Variants in SPOCK1 observed in about 807,000 individuals in gnomAD.
SPOCK1 encodes the protein SPARC (osteonectin), cwcv and kazal like domains proteoglycan 1, also known as testican-1.
Under a neutral mutation model 55.3 loss-of-function variants are expected in SPOCK1, and 23 were observed. That is an observed-to-expected ratio of 0.42 (90% CI 0.30 to 0.59). SPOCK1 has a LOEUF of 0.59. Among genes scored for constraint, SPOCK1 ranks in the 20% least tolerant of loss-of-function variants. SPOCK1 has a pLI of 0.22. For synonymous variants in SPOCK1, 226 were observed against 221.0 expected (o/e 1.02, Z -0.20); for missense variants, 499 against 552.5 (o/e 0.90, Z 0.97).
intron 4 of SPOCK1, among the ~76,000 whole-genome samples, chr5:137,123,651 G>C (rs976396563): frequency 1.3e-5 from 2 of 152,046 alleles, no homozygotes; most frequent in Non-Finnish European, 2.9e-5. Flanking sequence ...TCAACCTAAG[G>C]AAGATAACCC....
chr5:137,319,851 A>G lies in SPOCK1; in HGVS notation c.187-52796T>C, dbSNP rs570164634. Among the ~76,000 whole-genome samples, 1,384 of 148,936 alleles carry G rather than the reference A, an allele frequency of 9.3e-3. 9 individuals carry two copies. The highest frequency in any genetic ancestry group is 0.021 in the Middle Eastern group (6 of 288). Reference sequence around the variant, plus strand: ...TCCCAGCTACTCGGGAGGCTGAGGCAGGAGAATGGCGTGAACCCGGGAAGC... The same window carrying G: ...TCCCAGCTACTCGGGAGGCTGAGGCGGGAGAATGGCGTGAACCCGGGAAGC... On this transcript the variant is annotated intron_variant, in intron 2 of 10. Coordinates refer to ENST00000394945, the MANE Select transcript of SPOCK1 (RefSeq NM_004598.4).
rs141619694 is a variant in SPOCK1, at chr5:136,982,657, T to C, written c.991+2483A>G. ...AAGCTTAACACATTCTTACCACCTT[T>C]TTCTCACTTCCCCCAATTGTCTGGA... On this transcript the variant is annotated intron_variant, in intron 9 of 10. Transcript: ENST00000394945. 3.9e-5 allele frequency among the ~76,000 whole-genome samples: 6 copies of C among 152,326 alleles called. No homozygotes were observed. In the East Asian group the frequency reaches 5.8e-4, roughly 15 times the overall value.
chr5:137,281,211 T>C (rs1169752481), intron 2 of SPOCK1, among the ~76,000 whole-genome samples: 2 of 152,208 alleles, frequency 1.3e-5, no homozygotes, highest in African/African-American at 4.8e-5. Flanking sequence ...CACCCTAACA[T>C]TATAATCTGG....
At chr5:137,110,041 A>G (rs1454703325) in intron 5 of SPOCK1, among the ~76,000 whole-genome samples, 3 of 152,190 alleles carry the variant, frequency 2.0e-5, no homozygotes, top group Admixed American at 6.5e-5. Context: ...CAAGTGTTCA[A>G]TAAGAGCTGC....
chr5:137,314,268 A>T (rs546647379), intron 2 of SPOCK1, among the ~76,000 whole-genome samples: 1 of 152,208 alleles, frequency 6.6e-6, no homozygotes, highest in African/African-American at 2.4e-5. Context: ...AGAAAACATC[A>T]TTCTCTCACA....
At chr5:137,461,596 C>A (rs1293189211) in intron 2 of SPOCK1, among the ~76,000 whole-genome samples, 1 of 152,166 alleles carries the variant, frequency 6.6e-6, no homozygotes, top group Non-Finnish European at 1.5e-5. Context: ...TAAGAGTCTC[C>A]TGGAAAGCTT....
At chr5:137,178,826 G>A (rs1271319539) in intron 3 of SPOCK1, among the ~76,000 whole-genome samples, 1 of 152,202 alleles carries the variant, frequency 6.6e-6, no homozygotes, top group Non-Finnish European at 1.5e-5. Context: ...ACATCCACAA[G>A]AGCAGTGATC....
chr5:137,386,837 T>C (rs1309883673), intron 2 of SPOCK1, among the ~76,000 whole-genome samples: 1 of 152,104 alleles, frequency 6.6e-6, no homozygotes, highest in Non-Finnish European at 1.5e-5. Context: ...AAATTTCTGC[T>C]GTACAAAAGA....
chr5:137,120,352 G>GC (rs1753662814), intron 4 of SPOCK1, among the ~76,000 whole-genome samples: 1 of 152,096 alleles, frequency 6.6e-6, no homozygotes, highest in Non-Finnish European at 1.5e-5. Context: ...GCATAATCAG[G>GC]CCCACCAGAA....
intron 3 of SPOCK1, among the ~76,000 whole-genome samples, chr5:137,261,560 C>A (rs1390783485): frequency 6.6e-6 from 1 of 152,138 alleles, no homozygotes; most frequent in Non-Finnish European, 1.5e-5. Flanking sequence ...GTGAAAGGGG[C>A]CCCTGACTCT....
chr5:137,037,063 T>A (rs1751899342), intron 6 of SPOCK1, among the ~76,000 whole-genome samples: 1 of 152,078 alleles, frequency 6.6e-6, no homozygotes, highest in Non-Finnish European at 1.5e-5. Context: ...AAGCTCCTTT[T>A]TCTATGAGAC....
chr5:137,063,876 G>A (rs1026809632), intron 6 of SPOCK1, among the ~76,000 whole-genome samples: 1 of 152,144 alleles, frequency 6.6e-6, no homozygotes, highest in Non-Finnish European at 1.5e-5. Context: ...TGCATATCTT[G>A]GTCTAACAGA....
intron 3 of SPOCK1, among the ~76,000 whole-genome samples, chr5:137,184,448 G>A (rs1034920429): frequency 7.2e-5 from 11 of 152,180 alleles, no homozygotes; most frequent in African/African-American, 2.4e-4. Context: ...TCAGCTCCTG[G>A]AATCTGCTGC....
intron 6 of SPOCK1, among the ~76,000 whole-genome samples, chr5:137,030,564 A>G (rs1751760516): frequency 2.0e-5 from 3 of 152,238 alleles, no homozygotes; most frequent in Non-Finnish European, 4.4e-5. Flanking sequence ...CTAGCAACTA[A>G]GAAACACTTA....
intron 2 of SPOCK1, among the ~76,000 whole-genome samples, chr5:137,400,528 G>A (rs1476875235): frequency 6.6e-6 from 1 of 152,096 alleles, no homozygotes; most frequent in African/African-American, 2.4e-5. Flanking sequence ...CAGCAAATCT[G>A]CAAGCTATGC....
intron 3 of SPOCK1, among the ~76,000 whole-genome samples, chr5:137,249,352 A>G (rs538496916): frequency 1.3e-5 from 2 of 152,362 alleles, no homozygotes; most frequent in African/African-American, 4.8e-5. Context: ...AATAAATCCA[A>G]CAATGGAATC....
chr5:137,160,592 TA>T (rs1754522771), intron 3 of SPOCK1, among the ~76,000 whole-genome samples: 3 of 70,396 alleles, frequency 4.3e-5, no homozygotes, highest in Non-Finnish European at 5.4e-5. Flanking sequence ...ATATAATATA[TA>T]ATATATTATA....
intron 2 of SPOCK1, among the ~76,000 whole-genome samples, chr5:137,434,833 C>T (rs1407902711): frequency 6.6e-6 from 1 of 152,102 alleles, no homozygotes; most frequent in African/African-American, 2.4e-5. Flanking sequence ...TGGTAAATAT[C>T]AGTAGCCTAC....
chr5:137,074,478 C>T (rs912157611), intron 5 of SPOCK1, among the ~76,000 whole-genome samples: 2 of 152,118 alleles, frequency 1.3e-5, no homozygotes, highest in Admixed American at 6.5e-5. Context: ...AGCAAGAGTA[C>T]ACAAATGTGC....
Sources: allele counts gnomAD v4.1 joint callset (sites outside exome capture counted in the v4.1 genomes callset), GRCh38; gene constraint gnomAD v4.1.1; transcripts MANE v1.5; gene names NCBI Gene and HGNC (gene_info 2026-07-23, HGNC 2026-07-21).